The following ZNF93 variants were observed in gnomAD, a reference collection of about 807,000 sequenced individuals.
ZNF93 encodes the protein zinc finger protein 93, also known as zinc finger protein 505.
ZNF93 carries 29 observed loss-of-function variants against 45.0 expected under a neutral mutation model. The observed-to-expected ratio is 0.64, with a 90% CI of 0.48 to 0.88. The LOEUF is 0.88. Among genes scored for constraint, ZNF93 ranks in the 40% least tolerant of loss-of-function variants. The pLI, the probability that ZNF93 is intolerant of heterozygous loss-of-function variation, is 0.00. For synonymous variants in ZNF93, 223 were observed against 244.6 expected (o/e 0.91, Z 0.82); for missense variants, 578 against 724.0 (o/e 0.80, Z 2.31).
Position 19,901,000 on chromosome 19 carries a change from G to C in ZNF93, c.-89G>C. The C allele has an allele frequency of 3.2e-6, 5 of 1,576,608 alleles. No individual in the cohort carries two copies. The highest frequency in any genetic ancestry group is 3.3e-4 in the Middle Eastern group (2 of 5,980). On this transcript the variant is annotated 5_prime_UTR_variant, in exon 1 of 4. Coordinates refer to ENST00000343769, the MANE Select transcript of ZNF93 (RefSeq NM_031218.4). ...TCCTCTTCACTACTCTGTGTCCTGTGCTCCTACAGGCCCAGCCTCTGTGGC... is the reference window on the plus strand; with the variant it reads ...TCCTCTTCACTACTCTGTGTCCTGTCCTCCTACAGGCCCAGCCTCTGTGGC...
At chr19:19,921,148 T>C (rs1213561324) in intron 3 of ZNF93, among the ~76,000 whole-genome samples, 1 of 152,220 alleles carries the variant, frequency 6.6e-6, no homozygotes, top group East Asian at 1.9e-4. Context: ...TTTGTCTTTG[T>C]TCTCATTGGT....
intron 1 of ZNF93, among the ~76,000 whole-genome samples, chr19:19,910,035 A>G (rs1294840224): frequency 2.6e-5 from 4 of 152,164 alleles, no homozygotes; most frequent in East Asian, 1.9e-4. Context: ...GAAACTATGG[A>G]GCCCAGAAAC....
intron 1 of ZNF93, among the ~76,000 whole-genome samples, chr19:19,904,362 G>A (rs890775898): frequency 3.3e-5 from 5 of 152,116 alleles, no homozygotes; most frequent in African/African-American, 1.2e-4. Context: ...TTCCTGGGCT[G>A]CATCTTATAT....
In ZNF93 at chr19:19,924,657, C is replaced by A. The variant is rs531244158; in HGVS notation, c.226+8002C>A. On this transcript the variant is annotated intron_variant, in intron 3 of 3. Transcript: ENST00000343769. ...CCAGGCTGAAGTGCAATGGTGCAAT[C>A]TAGGCTCACTGCAACCTCCACCTCC... Among the ~76,000 whole-genome samples, 4 of 150,898 alleles carry A rather than the reference C, an allele frequency of 2.7e-5. No homozygotes were observed. The East Asian group carries it at 5.9e-4, about 22-fold the overall frequency.
intron 3 of ZNF93, among the ~76,000 whole-genome samples, chr19:19,930,943 G>T (rs2063372273): frequency 6.6e-6 from 1 of 151,844 alleles, no homozygotes; most frequent in Non-Finnish European, 1.5e-5. Context: ...AGAAGTACTT[G>T]ATTTAAAGCA....
At position 19,920,528 on chromosome 19, in the gene ZNF93, G is replaced by A. The variant is rs149874069; in HGVS notation, c.226+3873G>A. Among the ~76,000 whole-genome samples the A allele has an allele frequency of 3.8e-3, 573 of 152,216 alleles. 2 individuals carry two copies. Among genetic ancestry groups the A allele is most frequent in the Middle Eastern group, 6.8e-3 (2 of 294 alleles). On this transcript the variant is annotated intron_variant, in intron 3 of 3. Coordinates refer to ENST00000343769, the MANE Select transcript of ZNF93 (RefSeq NM_031218.4). ...GGATAGTTCCAGAAGGAATGGTACC[G>A]GCTCCTCCTTGTACCTCTGGTAGAA...
intron 1 of ZNF93, among the ~76,000 whole-genome samples, chr19:19,913,894 C>G (rs763051180): frequency 6.6e-6 from 1 of 152,186 alleles, no homozygotes; most frequent in Non-Finnish European, 1.5e-5. Flanking sequence ...GCCTCCTGGA[C>G]TGCCATGCGT....
At chr19:19,916,454 A>C (rs2063323984) in intron 2 of ZNF93, 106 bp from the exon 3 acceptor site, 1 of 869,540 alleles carries the variant, frequency 1.2e-6, no homozygotes, top group East Asian at 2.7e-5. Context: ...GTATTTTGGT[A>C]TTAATTTACT....
At position 19,934,542 on chromosome 19, in the gene ZNF93, A is replaced by T. The variant is rs2063386880; in HGVS notation, c.1587A>T (p.Lys529Asn). The T allele has an allele frequency of 1.2e-6, 2 of 1,612,960 alleles. No individual in the cohort carries two copies. Among genetic ancestry groups the T allele is most frequent in the Admixed American group, 3.3e-5 (2 of 59,956 alleles). ...CCTCAACCCTTATTAAACATAAGAA[A>T]ATTCATACTAGAGAGAAACCCTACA... is the stretch of plus-strand genomic sequence containing the variant. Reference protein sequence around the residue: ...NQSSTLIKHKKIHTREKPYKC... With the variant: ...NQSSTLIKHKNIHTREKPYKC... The change falls in exon 4 of 4, where the codon AAA becomes AAT. Residue 529 changes from lysine (K) to asparagine (N), a missense_variant. By Grantham distance (94) the Lys-to-Asn change is moderately conservative. Coordinates refer to ENST00000343769, the MANE Select transcript of ZNF93 (RefSeq NM_031218.4).
At chr19:19,917,333 ATTC>A (rs2063327299) in intron 3 of ZNF93, among the ~76,000 whole-genome samples, 1 of 112,084 alleles carries the variant, frequency 8.9e-6, no homozygotes, top group African/African-American at 7.7e-5. Context: ...AATAATACTT[ATTC>A]TTCAAGTTAT....
In ZNF93 at chr19:19,933,523, A is replaced by G. The variant is rs201793643; in HGVS notation, c.568A>G (p.Thr190Ala). Residue 190 changes from threonine to alanine, a missense_variant, in exon 4 of 4, where the codon ACA becomes GCA. By Grantham distance (58) the Thr-to-Ala change is moderately conservative. Coordinates refer to ENST00000343769, the MANE Select transcript of ZNF93 (RefSeq NM_031218.4). ...KAFNQFSTLITHKKIHTGEKP... is the reference protein window; with the variant it reads ...KAFNQFSTLIAHKKIHTGEKP... ...TTTTAACCAGTTCTCAACCCTTATA[A>G]CACATAAGAAAATTCATACTGGAGA... is the stretch of plus-strand genomic sequence containing the variant. 1.4e-4 allele frequency: 233 copies of G among 1,607,128 alleles called. No individual in the cohort carries two copies. The East Asian group carries it at 4.4e-3, about 30-fold the overall frequency.
chr19:19,932,450 C>CT (rs2063377702), intron 3 of ZNF93: 1 of 152,152 alleles, frequency 6.6e-6, no homozygotes, highest in Non-Finnish European at 1.5e-5. Context: ...CATCCAATCT[C>CT]TGTCTTTTTG....
chr19:19,902,861 C>T (rs1042244282), intron 1 of ZNF93, among the ~76,000 whole-genome samples: 10 of 151,564 alleles, frequency 6.6e-5, no homozygotes, highest in Admixed American at 2.0e-4. Flanking sequence ...CTGAGCCTCC[C>T]GAGTAGCTGG....
At chr19:19,909,566 T>C (rs1167705939) in intron 1 of ZNF93, 3 of 152,262 alleles carry the variant, frequency 2.0e-5, no homozygotes, top group Admixed American at 6.5e-5. Flanking sequence ...TGTGGACTAA[T>C]TATGATGACC....
rs114357198 is a variant in ZNF93 at position 19,904,520 on chromosome 19, A to T, written c.3+3429A>T. Among the ~76,000 whole-genome samples the T allele has an allele frequency of 4.0e-3, 613 of 152,256 alleles. 7 individuals are homozygous for T. Among genetic ancestry groups the T allele is most frequent in the African/African-American group, 0.014 (602 of 41,542 alleles). On this transcript the variant is annotated intron_variant, in intron 1 of 3. Transcript: ENST00000343769. ...TGGGCCCATGGGGTTTGTGTCTGGC[A>T]TCTGCAGTGAGGACAATGTTGTGGA...
intron 2 of ZNF93, 66 bp from the exon 3 acceptor site, chr19:19,916,494 G>A (rs1599569014): frequency 4.7e-6 from 6 of 1,268,164 alleles, no homozygotes; most frequent in Middle Eastern, 1.9e-4. Flanking sequence ...TCTTTGCTGA[G>A]CACATTACTA....
In ZNF93 at chr19:19,930,562, C is replaced by T. The variant is rs552893245; in HGVS notation, c.227-2620C>T. On this transcript the variant is annotated intron_variant, in intron 3 of 3. Transcript: ENST00000343769. Reference sequence around the variant, plus strand: ...AGACCGCGGTCTGCTAGGCAACGGGCGTCTTCCCAGACGCTGGCATTACTG... The same window carrying T: ...AGACCGCGGTCTGCTAGGCAACGGGTGTCTTCCCAGACGCTGGCATTACTG... Among the ~76,000 whole-genome samples the T allele has an allele frequency of 4.3e-4, 60 of 140,446 alleles. 1 individual carries two copies. Among genetic ancestry groups the T allele is most frequent in the African/African-American group, 1.3e-3 (48 of 38,212 alleles). 92.1% of individuals were successfully genotyped at this position (140,446 alleles called of 152,430 possible). A position where few individuals can be genotyped will look rare whatever the true frequency, so the allele number is the denominator to read the frequency against.
chr19:19,922,431 T>C (rs915154238), intron 3 of ZNF93, among the ~76,000 whole-genome samples: 1 of 152,220 alleles, frequency 6.6e-6, no homozygotes, highest in Non-Finnish European at 1.5e-5. Context: ...GTTGCTCTTC[T>C]TGAGGAGTAT....
chr19:19,923,985 A>G (rs577818661), intron 3 of ZNF93, among the ~76,000 whole-genome samples: 1 of 152,290 alleles, frequency 6.6e-6, no homozygotes, highest in Non-Finnish European at 1.5e-5. Flanking sequence ...GGAGATGCAG[A>G]AATCATCCGT....
Sources: gnomAD v4.1 joint callset for allele counts (sites outside exome capture counted in the v4.1 genomes callset) on GRCh38, gnomAD v4.1.1 for gene constraint, MANE v1.5 for transcripts, NCBI Gene and HGNC (gene_info 2026-07-23, HGNC 2026-07-21) for gene names.